The following AFAP1 variants were observed in gnomAD, a reference collection of about 807,000 sequenced individuals.
AFAP1 encodes actin filament associated protein 1.
AFAP1 carries 75 observed loss-of-function variants against 93.9 expected under a neutral mutation model. The observed-to-expected ratio is 0.80, with a 90% CI of 0.66 to 0.97. The LOEUF is 0.97. Among genes scored for constraint, AFAP1 ranks in the 50% least tolerant of loss-of-function variants. The pLI is 0.00. For synonymous variants in AFAP1, 517 were observed against 430.7 expected, an observed-to-expected ratio of 1.20 and a Z score of -2.48; for missense variants, 1,201 against 1,050.8, an observed-to-expected ratio of 1.14 and a Z score of -1.98.
intron 3 of AFAP1, among the ~76,000 whole-genome samples, chr4:7,867,175 G>A (rs1716519437): frequency 6.6e-6 from 1 of 151,042 alleles, no homozygotes; most frequent in Non-Finnish European, 1.5e-5. Flanking sequence ...CAGCATCAAA[G>A]CCCCCATCCA....
At chr4:7,909,648 G>A (rs1359603739) in intron 1 of AFAP1, among the ~76,000 whole-genome samples, 1 of 152,276 alleles carries the variant, frequency 6.6e-6, no homozygotes. Context: ...CAAAGCGCAA[G>A]AGCCATTCTA....
At position 7,781,802 on chromosome 4, in the gene AFAP1, CCACACACATA is replaced by C. The variant is rs758239458; in HGVS notation, c.1531-185_1531-176del. On this transcript the variant is annotated intron_variant, in intron 12 of 17. Transcript: ENST00000420658. ...AAGGCATGCACCCACCACCCCCCTC[CCACACACATA>C]CACACACAGACCCAACACAAGCATG... is the stretch of plus-strand genomic sequence containing the variant. 5.1e-4 allele frequency among the ~76,000 whole-genome samples: 78 copies of C among 152,234 alleles called. 1 individual carries two copies. The highest frequency in any genetic ancestry group is 2.1e-3 in the South Asian group (10 of 4,818).
chr4:7,792,487 A>G (rs942621320), intron 11 of AFAP1, among the ~76,000 whole-genome samples: 1 of 152,202 alleles, frequency 6.6e-6, no homozygotes, highest in Non-Finnish European at 1.5e-5. Context: ...TAAGCAACAA[A>G]TACTGCCAAC....
intron 1 of AFAP1, among the ~76,000 whole-genome samples, chr4:7,876,196 G>A (rs761081025): frequency 1.3e-5 from 2 of 152,216 alleles, no homozygotes; most frequent in Non-Finnish European, 2.9e-5. Flanking sequence ...TCCCTCTACA[G>A]TGCGACCATG....
rs1170420391 is a variant in AFAP1 at position 7,778,792 on chromosome 4, G to A, written c.1867C>T (p.Pro623Ser). The change falls in exon 14 of 18, where the codon CCC becomes TCC. Residue 623 changes from proline (P) to serine (S), a missense_variant. Transcript: ENST00000420658. ...TLSSQPKKAD[P>S]AAVVKRTGSN... ...CCCGTCCTTTTCACAACAGCCGCGG[G>A]ATCCGCTTTCTTTGGCTGACTGCTC... The A allele has an allele frequency of 1.2e-6, 2 of 1,614,086 alleles. No individual in the cohort carries two copies. Among genetic ancestry groups the A allele is most frequent in the African/African-American group, 1.3e-5 (1 of 74,934 alleles).
intron 16 of AFAP1, among the ~76,000 whole-genome samples, 156 bp from the exon 17 acceptor site, chr4:7,769,164 C>T (rs897823763): frequency 1.3e-5 from 2 of 152,210 alleles, no homozygotes; most frequent in African/African-American, 4.8e-5. Flanking sequence ...CAGTGCCTCA[C>T]CCCCAGAGCG....
At chr4:7,842,020 T>C (rs572193950) in intron 5 of AFAP1, among the ~76,000 whole-genome samples, 4 of 152,188 alleles carry the variant, frequency 2.6e-5, no homozygotes, top group African/African-American at 4.8e-5. Context: ...AAGTTGATTA[T>C]GTATTTCTAA....
chr4:7,879,312 T>C (rs1375804786), intron 1 of AFAP1, among the ~76,000 whole-genome samples: 1 of 152,184 alleles, frequency 6.6e-6, no homozygotes, highest in Non-Finnish European at 1.5e-5. Flanking sequence ...CATTGAGATA[T>C]TACAGACGGT....
intron 1 of AFAP1, among the ~76,000 whole-genome samples, chr4:7,931,870 CTTTT>C (rs201938258): frequency 4.6e-5 from 7 of 151,370 alleles, no homozygotes; most frequent in Non-Finnish European, 5.9e-5. Context: ...GTTTCTTTTT[CTTTT>C]TTTTGAGACG....
chr4:7,778,714 C>T (rs1196093870), intron 14 of AFAP1, 48 bp downstream of exon 14: 5 of 1,575,076 alleles, frequency 3.2e-6, no homozygotes, highest in Non-Finnish European at 4.4e-6. Context: ...CCCAGCTCCA[C>T]CAAGTGCACT....
At chr4:7,798,349 A>G (rs573122833) in intron 10 of AFAP1, among the ~76,000 whole-genome samples, 1,610 of 99,818 alleles carry the variant, frequency 0.016, 39 homozygotes, top group Non-Finnish European at 0.018. Context: ...GCTGGCTCAC[A>G]GCACTGCAAC....
At chr4:7,794,354 G>T (rs1395089805) in intron 10 of AFAP1, among the ~76,000 whole-genome samples, 4 of 152,140 alleles carry the variant, frequency 2.6e-5, no homozygotes, top group Non-Finnish European at 5.9e-5. Context: ...AATTTCCTTT[G>T]ATATCAATTG....
chr4:7,774,972 T>TC, intron 14 of AFAP1, 69 bp from the exon 15 acceptor site: 2 of 1,552,552 alleles, frequency 1.3e-6, no homozygotes, highest in Non-Finnish European at 1.7e-6. Flanking sequence ...GACGATCCCT[T>TC]CTCCACAAAA....
intron 16 of AFAP1, among the ~76,000 whole-genome samples, chr4:7,769,589 G>A (rs987388180): frequency 2.6e-5 from 4 of 152,066 alleles, no homozygotes; most frequent in African/African-American, 9.7e-5. Flanking sequence ...CATGTGTCCT[G>A]AGCTGCCGAG....
intron 4 of AFAP1, among the ~76,000 whole-genome samples, chr4:7,853,187 G>A (rs1208748140): frequency 6.6e-6 from 1 of 151,614 alleles, no homozygotes; most frequent in South Asian, 2.1e-4. Context: ...GTGGCCCTGA[G>A]AGAAATCTGG....
At chr4:7,934,282 G>A (rs550553961) in intron 1 of AFAP1, among the ~76,000 whole-genome samples, 97 of 152,132 alleles carry the variant, frequency 6.4e-4, no homozygotes, top group Non-Finnish European at 1.0e-3. Context: ...CAGATGCCCC[G>A]AGGGAGCCCA....
intron 10 of AFAP1, among the ~76,000 whole-genome samples, chr4:7,798,252 T>C (rs868460642): frequency 1.3e-3 from 176 of 139,744 alleles, no homozygotes; most frequent in Admixed American, 2.6e-3. Context: ...TGCAACTCTA[T>C]TGGCTGGCTC....
At chr4:7,854,524 G>A (rs62289300) in intron 4 of AFAP1, among the ~76,000 whole-genome samples, 61,361 of 151,894 alleles carry the variant, frequency 0.4, 14,034 homozygotes, top group Non-Finnish European at 0.51. Flanking sequence ...AGCCGCGCTC[G>A]TAGACTGCCA....
At chr4:7,862,426 G>T in intron 3 of AFAP1, 1 of 150,890 alleles carries the variant, frequency 6.6e-6, no homozygotes, top group African/African-American at 2.4e-5. Flanking sequence ...GCCGGCGGCG[G>T]GAGAATGGGA....
Sources: gnomAD v4.1 joint callset for allele counts (sites outside exome capture counted in the v4.1 genomes callset) on GRCh38, gnomAD v4.1.1 for gene constraint, MANE v1.5 for transcripts, NCBI Gene and HGNC (gene_info 2026-07-23, HGNC 2026-07-21) for gene names.